Variants in KIAA1755 observed in about 807,000 individuals in gnomAD.
KIAA1755 encodes uncharacterized protein KIAA1755.
KIAA1755 carries 68 observed loss-of-function variants against 91.7 expected under a neutral mutation model. The ratio of observed to expected loss-of-function variants is 0.74; its 90% confidence interval spans 0.61 to 0.91. KIAA1755 has a LOEUF of 0.91. KIAA1755 is among the 40% of genes least tolerant of loss of function. KIAA1755 has a pLI of 0.00. For missense variants in KIAA1755, 1,535 were observed against 1,494.4 expected (o/e 1.03, Z -0.45); for synonymous variants, 610 against 604.6 (o/e 1.01, Z -0.13).
intron 5 of KIAA1755, among the ~76,000 whole-genome samples, chr20:38,229,455 G>T (rs938994873): frequency 6.6e-6 from 1 of 152,222 alleles, no homozygotes; most frequent in African/African-American, 2.4e-5. Context: ...CTGACTTTAT[G>T]TCCTTGCCTC....
At chr20:38,245,825 C>G in intron 2 of KIAA1755, 104 bp downstream of exon 2, 1 of 1,076,296 alleles carries the variant, frequency 9.3e-7, no homozygotes, top group South Asian at 1.4e-5. Flanking sequence ...CTCAGCTCCC[C>G]GTGAAACAAG....
intron 1 of KIAA1755, among the ~76,000 whole-genome samples, chr20:38,249,319 G>A (rs1380448234): frequency 6.6e-6 from 1 of 152,208 alleles, no homozygotes; most frequent in Non-Finnish European, 1.5e-5. Context: ...AGGTCCACCT[G>A]TTGCCCAGGG....
At chr20:38,250,884 A>G (rs1264543883) in intron 1 of KIAA1755, among the ~76,000 whole-genome samples, 12 of 152,158 alleles carry the variant, frequency 7.9e-5, no homozygotes, top group Admixed American at 7.8e-4. Context: ...CAAGAAGAAG[A>G]AGGTAGGAAT....
At chr20:38,248,701 T>TATTATC (rs1256522657) in intron 1 of KIAA1755, among the ~76,000 whole-genome samples, 1 of 150,636 alleles carries the variant, frequency 6.6e-6, no homozygotes, top group African/African-American at 2.4e-5. Flanking sequence ...TTATTATTAT[T>TATTATC]ATTATTATTA....
rs997929934 is a variant in KIAA1755, at chr20:38,241,510, C to T, written c.621G>A (p.Glu207=). The change falls in exon 3 of 14, where the codon GAG becomes GAA. Residue 207 remains glutamate, a synonymous_variant. Coordinates refer to ENST00000279024, the MANE Select transcript of KIAA1755 (RefSeq NM_001029864.2). ...CTTGAGGGCTGCTCAAATCCAGTGC[C>T]TCTAATGGAAGGGGCCCCCAGGCTT... ...LCQAWGPLPL[E]ALDLSSPQEL... is the part of the protein sequence containing the mutation. 23 of 1,614,136 alleles carry T rather than the reference C, an allele frequency of 1.4e-5. No homozygotes were observed. Among genetic ancestry groups the T allele is most frequent in the Non-Finnish European group, 1.7e-5 (20 of 1,180,056 alleles).
At position 38,241,383 on chromosome 20, in the gene KIAA1755, T is replaced by C. The variant is rs2076060319; in HGVS notation, c.748A>G (p.Lys250Glu). 1 of 1,614,036 alleles carries C rather than the reference T, an allele frequency of 6.2e-7. No homozygotes were observed. Among genetic ancestry groups the C allele is most frequent in the Non-Finnish European group, 8.5e-7 (1 of 1,180,028 alleles). The change falls in exon 3 of 14, where the codon AAG becomes GAG. Residue 250 changes from lysine to glutamate, a missense_variant. Lys to Glu is a moderately conservative substitution (Grantham distance 56). Coordinates refer to ENST00000279024, the MANE Select transcript of KIAA1755 (RefSeq NM_001029864.2). ...TYGSKYPGLI[K>E]VEQARCGEVA... ...TCCCCACACCGGGCTTGCTCCACCT[T>C]GATGAGTCCTGGATACTTGCTCCCA...
At position 38,241,930 on chromosome 20, in the gene KIAA1755, C is replaced by T; in HGVS notation, c.202-1G>A. On this transcript the variant is annotated splice_acceptor_variant, in intron 2 of 13. Transcript: ENST00000279024. LOFTEE classifies it high-confidence loss of function. Reference sequence around the variant, plus strand: ...AGAAGAGGCAGTGTGAGTAGGGAGCCTGTGGAGAGAAGGGGATGGCATCAG... The same window carrying T: ...AGAAGAGGCAGTGTGAGTAGGGAGCTTGTGGAGAGAAGGGGATGGCATCAG... 1 of 1,607,864 alleles carries T rather than the reference C, an allele frequency of 6.2e-7. No individual in the cohort carries two copies.
intron 13 of KIAA1755, among the ~76,000 whole-genome samples, chr20:38,216,073 C>G (rs187187593): frequency 2.2e-4 from 34 of 152,252 alleles, no homozygotes; most frequent in African/African-American, 7.9e-4. Flanking sequence ...TAAAATGATA[C>G]GTGAAATGAC....
chr20:38,217,411 C>T lies in KIAA1755; in HGVS notation c.2743G>A (p.Gly915Arg). Residue 915 changes from glycine (G) to arginine (R), a missense_variant, in exon 13 of 14, where the codon GGG becomes AGG. By Grantham distance (125) the Gly-to-Arg change is moderately radical (BLOSUM62 -2). Transcript: ENST00000279024. Reference sequence around the variant, plus strand: ...TCTGCACGTTCTGCCTCCCCAGCCCCTCTGGCTGTAGCTCCCAGCTGAGCG... The same window carrying T: ...TCTGCACGTTCTGCCTCCCCAGCCCTTCTGGCTGTAGCTCCCAGCTGAGCG... ...QAAQLGATAR[G>R]AGEAERAEFP... 1 of 1,613,276 alleles carries T rather than the reference C, an allele frequency of 6.2e-7. No individual in the cohort carries two copies. The highest frequency in any genetic ancestry group is 8.5e-7 in the Non-Finnish European group (1 of 1,179,744).
rs1201576228 is a variant in KIAA1755 at position 38,245,955 on chromosome 20, A to G, written c.175T>C (p.Cys59Arg). The G allele has an allele frequency of 1.9e-6, 3 of 1,613,932 alleles. No individual in the cohort carries two copies. The African/African-American group carries it at 4.0e-5, about 22-fold the overall frequency. The change falls in exon 2 of 14, where the codon TGT becomes CGT. Residue 59 changes from cysteine to arginine, a missense_variant. By Grantham distance (180) the Cys-to-Arg change is radical. Coordinates refer to ENST00000279024, the MANE Select transcript of KIAA1755 (RefSeq NM_001029864.2). ...CAGGCTGCTTCTCGCACTTGCTCAC[A>G]CAGGCGCTTGGCAGGGATCAGGAAA... ...LDFLIPAKRLCEQVREAACAP... is the reference protein window; with the variant it reads ...LDFLIPAKRLREQVREAACAP...
rs200267017 is a variant in KIAA1755 at position 38,260,506 on chromosome 20, C to A, written c.-6G>T. 2 of 1,478,960 alleles carry A rather than the reference C, an allele frequency of 1.4e-6. No individual in the cohort carries two copies. The highest frequency in any genetic ancestry group is 5.0e-5 in the East Asian group (2 of 40,294). The allele number at this position is 1,478,960 out of a possible 1,614,324, so 91.6% of individuals were successfully genotyped here. On this transcript the variant is annotated 5_prime_UTR_variant, in exon 1 of 14. Coordinates refer to ENST00000279024, the MANE Select transcript of KIAA1755 (RefSeq NM_001029864.2). ...AGGCCTTGGCGCGTTACCATGGTGA[C>A]GGGCTGCCAGCGGCGGGCGGCGCGG... is the stretch of plus-strand genomic sequence containing the variant.
intron 5 of KIAA1755, among the ~76,000 whole-genome samples, chr20:38,230,621 G>A (rs2075842605): frequency 6.6e-6 from 1 of 152,208 alleles, no homozygotes; most frequent in Non-Finnish European, 1.5e-5. Context: ...AGGCACGGTG[G>A]CTCACGCCTG....
intron 13 of KIAA1755, among the ~76,000 whole-genome samples, chr20:38,216,217 C>G (rs1197461419): frequency 2.0e-5 from 3 of 152,198 alleles, no homozygotes; most frequent in African/African-American, 7.2e-5. Context: ...CCCCAGACTC[C>G]AAGGCTCGGA....
At chr20:38,243,054 C>A (rs957432534) in intron 2 of KIAA1755, among the ~76,000 whole-genome samples, 1 of 152,184 alleles carries the variant, frequency 6.6e-6, no homozygotes, top group African/African-American at 2.4e-5. Context: ...AACAGTGACA[C>A]CATGTGGCAA....
intron 1 of KIAA1755, among the ~76,000 whole-genome samples, chr20:38,257,714 G>A (rs1380255286): frequency 4.0e-5 from 6 of 151,496 alleles, no homozygotes; most frequent in Admixed American, 2.6e-4. Context: ...CATTCCTCAC[G>A]ATGACACCAA....
At chr20:38,233,604 T>A (rs1290070290) in intron 4 of KIAA1755, 1 of 152,132 alleles carries the variant, frequency 6.6e-6, no homozygotes, top group African/African-American at 2.4e-5. Context: ...AGACCATGCC[T>A]GATTCACCCC....
In KIAA1755 at chr20:38,210,788, C is replaced by A. The variant is rs2075442806; in HGVS notation, c.*2254G>T. On this transcript the variant is annotated 3_prime_UTR_variant, in exon 14 of 14. Coordinates refer to ENST00000279024, the MANE Select transcript of KIAA1755 (RefSeq NM_001029864.2). The stretch of plus-strand genomic sequence containing the variant: ...TTTCTGTGGCTCCCTGCCTGTGGTA[C>A]CCACTGGCTGGATGCTGTTGCTATG... 1 of 152,230 alleles carries A rather than the reference C, an allele frequency of 6.6e-6. No individual in the cohort carries two copies. The highest frequency in any genetic ancestry group is 2.4e-5 in the African/African-American group (1 of 41,448). The allele number at this position is 152,230 out of a possible 1,614,324, so 9.4% of individuals were successfully genotyped here.
rs1054043638 is a variant in KIAA1755 at position 38,210,836 on chromosome 20, C to G, written c.*2206G>C. 2 of 152,206 alleles carry G rather than the reference C, an allele frequency of 1.3e-5. No homozygotes were observed. The allele number at this position is 152,206 out of a possible 1,614,324, so 9.4% of individuals were successfully genotyped here. A position where few individuals can be genotyped will look rare whatever the true frequency, so the allele number is the denominator to read the frequency against. On this transcript the variant is annotated 3_prime_UTR_variant, in exon 14 of 14. Transcript: ENST00000279024. ...ATGGCAACAGCATTTTAAAAGCCGT[C>G]GGCCCTCTCTGAGGCAACAGGCATG...
chr20:38,254,420 C>T (rs1017860065), intron 1 of KIAA1755, among the ~76,000 whole-genome samples: 1 of 152,036 alleles, frequency 6.6e-6, no homozygotes, highest in East Asian at 1.9e-4. Flanking sequence ...CCTCAGTTTC[C>T]CCACCTATAA....
Sources: allele counts gnomAD v4.1 joint callset (sites outside exome capture counted in the v4.1 genomes callset), GRCh38; gene constraint gnomAD v4.1.1; transcripts MANE v1.5; gene names NCBI Gene and HGNC (gene_info 2026-07-23, HGNC 2026-07-21).